RELL1: variants seen among roughly 807,000 people sequenced by gnomAD.
RELL1 encodes RELT-like protein 1.
Under a neutral mutation model 23.0 loss-of-function variants are expected in RELL1, and 10 were observed. The observed-to-expected ratio is 0.43, with a 90% CI of 0.27 to 0.74. The LOEUF (loss-of-function observed/expected upper bound fraction) is 0.74. Among genes scored for constraint, RELL1 ranks in the 30% least tolerant of loss-of-function variants. The pLI is 0.19. For synonymous variants in RELL1, 146 were observed against 146.8 expected, an observed-to-expected ratio of 0.99 and a Z score of 0.04; for missense variants, 315 against 364.4, an observed-to-expected ratio of 0.86 and a Z score of 1.10.
chr4:37,633,408 CAAAAAAAAAAAAAAAAAAAAAAAAA>C (rs57256942), intron 5 of RELL1, among the ~76,000 whole-genome samples: 36 of 63,014 alleles, frequency 5.7e-4, no homozygotes, highest in African/African-American at 6.6e-4. Context: ...GACTCCACCT[CAAAAAAAAAAAAAAAAAAAAAAAAA>C]AAAAAAAAAA....
intron 6 of RELL1, among the ~76,000 whole-genome samples, chr4:37,600,096 C>G (rs548666410): frequency 1.7e-4 from 26 of 152,170 alleles, no homozygotes; most frequent in Non-Finnish European, 2.5e-4. Flanking sequence ...GTGGCAAAAC[C>G]CTGTCTCTAC....
At chr4:37,636,390 T>C (rs558679059) in intron 4 of RELL1, among the ~76,000 whole-genome samples, 1 of 152,082 alleles carries the variant, frequency 6.6e-6, no homozygotes, top group South Asian at 2.1e-4. Context: ...GGTCAGGAGA[T>C]CGAGACCATC....
At chr4:37,607,007 C>A (rs776575235), downstream of RELL1, among the ~76,000 whole-genome samples, 1 of 152,196 alleles carries the variant, frequency 6.6e-6, no homozygotes, top group African/African-American at 2.4e-5. Flanking sequence ...GGGCACATCA[C>A]CTGTATGGTG....
downstream of RELL1, chr4:37,590,068 T>C (rs528109852): frequency 3.0e-5 from 47 of 1,589,896 alleles, no homozygotes; most frequent in South Asian, 1.4e-4. Context: ...CCTGACTGGT[T>C]TTCATTGTCT....
At chr4:37,604,270 A>G (rs895460166) in intron 6 of RELL1, among the ~76,000 whole-genome samples, 1 of 152,152 alleles carries the variant, frequency 6.6e-6, no homozygotes, top group Non-Finnish European at 1.5e-5. Flanking sequence ...CCCATTCTAC[A>G]TTACACATGT....
chr4:37,604,231 A>T (rs1719090470), intron 6 of RELL1, among the ~76,000 whole-genome samples: 1 of 152,130 alleles, frequency 6.6e-6, no homozygotes. Flanking sequence ...GCCAAGAAAG[A>T]CATGAAAGCC....
At chr4:37,660,944 C>T (rs897642903) in intron 1 of RELL1, among the ~76,000 whole-genome samples, 29 of 151,730 alleles carry the variant, frequency 1.9e-4, no homozygotes, top group East Asian at 5.9e-4. Flanking sequence ...GGCAGGAGAA[C>T]AGCGTGAACC....
intron 6 of RELL1, among the ~76,000 whole-genome samples, chr4:37,604,854 C>CACAG (rs1719131003): frequency 6.7e-5 from 4 of 59,668 alleles, no homozygotes; most frequent in African/African-American, 2.2e-4. Context: ...CACACACAGA[C>CACAG]ACACACACAC....
At chr4:37,590,888 G>T (rs1296531834) in exon 7 of RELL1, 1 of 1,614,226 alleles carries the variant, frequency 6.2e-7, no homozygotes, top group Admixed American at 1.7e-5. Context: ...GATACCCATG[G>T]CTCCGATGGA....
intron 3 of RELL1, among the ~76,000 whole-genome samples, chr4:37,640,192 C>A (rs2109271030): frequency 6.6e-6 from 1 of 152,262 alleles, no homozygotes; most frequent in South Asian, 2.1e-4. Context: ...AACACTTAAT[C>A]TTTTGCCAAA....
chr4:37,656,839 G>A (rs1415673668), intron 1 of RELL1, among the ~76,000 whole-genome samples: 3 of 152,198 alleles, frequency 2.0e-5, no homozygotes, highest in African/African-American at 7.2e-5. Context: ...AGCAGCAAGA[G>A]GCCCTTACCA....
chr4:37,643,591 C>T (rs897430974), intron 3 of RELL1, among the ~76,000 whole-genome samples: 2 of 152,052 alleles, frequency 1.3e-5, no homozygotes, highest in Non-Finnish European at 1.5e-5. Context: ...TCATGGTACA[C>T]GTATCACTTT....
chr4:37,620,818 T>C, intron 6 of RELL1, among the ~76,000 whole-genome samples: 1 of 152,208 alleles, frequency 6.6e-6, no homozygotes, highest in Non-Finnish European at 1.5e-5. Flanking sequence ...ATTTTAACAC[T>C]TTTATTGGCT....
chr4:37,623,724 C>T (rs998066774), intron 6 of RELL1, among the ~76,000 whole-genome samples: 21 of 152,116 alleles, frequency 1.4e-4, no homozygotes, highest in African/African-American at 4.8e-5. Flanking sequence ...GGCATCACGG[C>T]ACTACTTTTA....
intron 3 of RELL1, among the ~76,000 whole-genome samples, chr4:37,645,130 T>C (rs550792913): frequency 3.3e-4 from 50 of 152,162 alleles, no homozygotes; most frequent in Non-Finnish European, 5.9e-4. Context: ...CCTGGCAAGG[T>C]TCTCACAGTT....
chr4:37,627,249 A>C (rs147246464), intron 6 of RELL1, among the ~76,000 whole-genome samples: 4 of 152,362 alleles, frequency 2.6e-5, no homozygotes, highest in African/African-American at 9.6e-5. Context: ...CTATCAGCGA[A>C]TGGAACAAAA....
At chr4:37,666,781 G>A (rs1031243496) in intron 1 of RELL1, among the ~76,000 whole-genome samples, 2 of 152,330 alleles carry the variant, frequency 1.3e-5, no homozygotes, top group South Asian at 2.1e-4. Context: ...ATGCAAGCCA[G>A]TGTTTCTCTT....
At chr4:37,683,099 A>G (rs1370612536) in intron 1 of RELL1, among the ~76,000 whole-genome samples, 1 of 152,232 alleles carries the variant, frequency 6.6e-6, no homozygotes, top group Non-Finnish European at 1.5e-5. Context: ...CCGTGAAGCT[A>G]TCTGCCCTTC....
intron 1 of RELL1, among the ~76,000 whole-genome samples, chr4:37,664,125 C>G (rs890245177): frequency 6.6e-6 from 1 of 152,144 alleles, no homozygotes; most frequent in African/African-American, 2.4e-5. Context: ...TGCCTGTAAT[C>G]CCAGCACTTT....
Sources: gnomAD v4.1 joint callset for allele counts (sites outside exome capture counted in the v4.1 genomes callset) on GRCh38, gnomAD v4.1.1 for gene constraint, MANE v1.5 for transcripts, NCBI Gene and HGNC (gene_info 2026-07-23, HGNC 2026-07-21) for gene names.